The following FTO variants were observed in gnomAD, a reference collection of about 807,000 sequenced individuals.
FTO encodes the protein alpha-ketoglutarate-dependent dioxygenase FTO.
A neutral mutation model predicts 63.9 loss-of-function variants in FTO; 47 were observed. The ratio of observed to expected loss-of-function variants is 0.74; its 90% CI spans 0.58 to 0.94. FTO has a LOEUF of 0.94. FTO is among the 40% of genes least tolerant of loss of function. FTO has a pLI of 0.00. For missense variants in FTO, 562 were observed against 618.1 expected, an observed-to-expected ratio of 0.91 and a Z score of 0.96; for synonymous variants, 207 against 224.4, an observed-to-expected ratio of 0.92 and a Z score of 0.69.
intron 1 of FTO, among the ~76,000 whole-genome samples, chr16:53,742,059 C>CAAAA (rs2076540341): frequency 6.6e-6 from 1 of 152,120 alleles, no homozygotes; most frequent in Admixed American, 6.5e-5. Context: ...GGGTAGGTTA[C>CAAAA]AGACTTTTTG....
Position 53,812,705 on chromosome 16 carries a change from C to T in FTO, c.123+2488C>T, listed in dbSNP as rs117095258. ...ATGATTTGAATTTTGCTTCTACACA[C>T]GTACACACTTCCCCAGGGATTTGGC... On this transcript the variant is annotated intron_variant, in intron 2 of 8. Coordinates refer to ENST00000471389, the MANE Select transcript of FTO (RefSeq NM_001080432.3). Among the ~76,000 whole-genome samples, 1,315 of 152,240 alleles carry T rather than the reference C, an allele frequency of 8.6e-3. 12 individuals carry two copies. Among genetic ancestry groups the T allele is most frequent in the Middle Eastern group, 0.024 (7 of 294 alleles).
chr16:53,987,186 C>T (rs1383048682), intron 8 of FTO, among the ~76,000 whole-genome samples: 2 of 152,138 alleles, frequency 1.3e-5, no homozygotes, highest in Non-Finnish European at 2.9e-5. Context: ...GGTTAGAGTA[C>T]ATCACTTCTA....
At chr16:53,786,236 G>T (rs1241673102) in intron 1 of FTO, among the ~76,000 whole-genome samples, 1 of 152,134 alleles carries the variant, frequency 6.6e-6, no homozygotes, top group African/African-American at 2.4e-5. Flanking sequence ...AAAAGCATTT[G>T]TTGGAATATG....
chr16:54,086,668 T>C (rs1320808496), intron 8 of FTO, among the ~76,000 whole-genome samples: 1 of 152,242 alleles, frequency 6.6e-6, no homozygotes, highest in Non-Finnish European at 1.5e-5. Context: ...TTACCAGCTA[T>C]GGATCTAACC....
At chr16:53,843,409 T>A (rs1365316235) in intron 3 of FTO, among the ~76,000 whole-genome samples, 1 of 152,164 alleles carries the variant, frequency 6.6e-6, no homozygotes, top group Non-Finnish European at 1.5e-5. Context: ...GGTGAAAAAA[T>A]TTCTCTCTTT....
intron 8 of FTO, among the ~76,000 whole-genome samples, chr16:54,014,637 A>C (rs1276887292): frequency 6.6e-6 from 1 of 152,046 alleles, no homozygotes; most frequent in African/African-American, 2.4e-5. Context: ...GCTGCACCAT[A>C]AGGCAAACTG....
intron 1 of FTO, among the ~76,000 whole-genome samples, chr16:53,809,747 G>C (rs1186304900): frequency 2.0e-5 from 3 of 152,064 alleles, no homozygotes; most frequent in Non-Finnish European, 2.9e-5. Context: ...TTTGAGACCA[G>C]CCTGGGCAAC....
chr16:53,897,490 A>G (rs1385371929), intron 7 of FTO, among the ~76,000 whole-genome samples: 2 of 152,202 alleles, frequency 1.3e-5, no homozygotes. Context: ...TTGAGCATAT[A>G]TAGCCCTCTT....
At chr16:53,918,376 AAT>A (rs2081932984) in intron 7 of FTO, among the ~76,000 whole-genome samples, 1 of 152,234 alleles carries the variant, frequency 6.6e-6, no homozygotes, top group Non-Finnish European at 1.5e-5. Flanking sequence ...ACTGTGACAC[AAT>A]GATAAGTATT....
chr16:53,876,841 C>T (rs920046471), intron 5 of FTO, among the ~76,000 whole-genome samples: 3 of 152,126 alleles, frequency 2.0e-5, no homozygotes, highest in South Asian at 2.1e-4. Flanking sequence ...GCAGGAGAAT[C>T]GCTTAAACCT....
chr16:53,723,308 T>G (rs1342762104), intron 1 of FTO, among the ~76,000 whole-genome samples: 1 of 152,228 alleles, frequency 6.6e-6, no homozygotes, highest in Non-Finnish European at 1.5e-5. Flanking sequence ...CCCATTGGAT[T>G]CAAATGATAT....
chr16:54,080,634 C>T (rs2086119091), intron 8 of FTO, among the ~76,000 whole-genome samples: 1 of 152,122 alleles, frequency 6.6e-6, no homozygotes, highest in Admixed American at 6.5e-5. Flanking sequence ...GACCCATCAC[C>T]CAAGAGTCTT....
At chr16:54,094,285 C>T (rs17833492) in intron 8 of FTO, among the ~76,000 whole-genome samples, 65 of 152,234 alleles carry the variant, frequency 4.3e-4, no homozygotes, top group African/African-American at 1.1e-3. Context: ...AAGCCTAAGG[C>T]GGTCTCTTTG....
At chr16:53,724,313 C>CA (rs1372844314) in intron 1 of FTO, among the ~76,000 whole-genome samples, 1 of 152,192 alleles carries the variant, frequency 6.6e-6, no homozygotes, top group Non-Finnish European at 1.5e-5. Context: ...TCCCCAGGGT[C>CA]ACTTAAGGAA....
intron 7 of FTO, among the ~76,000 whole-genome samples, chr16:53,912,852 A>T (rs1464523668): frequency 6.6e-6 from 1 of 152,234 alleles, no homozygotes; most frequent in Non-Finnish European, 1.5e-5. Flanking sequence ...AGTATATATT[A>T]TCCTTACAAG....
chr16:53,776,225 A>C (rs2077455991), intron 1 of FTO, among the ~76,000 whole-genome samples: 1 of 152,186 alleles, frequency 6.6e-6, no homozygotes, highest in Non-Finnish European at 1.5e-5. Flanking sequence ...CTCCATGTCC[A>C]TACCACTGCA....
chr16:53,905,259 C>T (rs1567419779), intron 7 of FTO, among the ~76,000 whole-genome samples: 1 of 152,144 alleles, frequency 6.6e-6, no homozygotes, highest in Non-Finnish European at 1.5e-5. Context: ...AGAGCTTTAG[C>T]TTTCAAGTTA....
intron 1 of FTO, among the ~76,000 whole-genome samples, chr16:53,729,318 G>A (rs369744625): frequency 2.0e-3 from 309 of 151,866 alleles, no homozygotes; most frequent in African/African-American, 7.3e-3. Context: ...CACAAGGTCA[G>A]GAGATGGAGA....
chr16:53,750,407 T>C (rs2076760517), intron 1 of FTO, among the ~76,000 whole-genome samples: 1 of 152,078 alleles, frequency 6.6e-6, no homozygotes, highest in Non-Finnish European at 1.5e-5. Flanking sequence ...CTGGCGAATT[T>C]TTTGTATTTT....
Sources: allele counts gnomAD v4.1 joint callset (sites outside exome capture counted in the v4.1 genomes callset), GRCh38; gene constraint gnomAD v4.1.1; transcripts MANE v1.5; gene names NCBI Gene and HGNC (gene_info 2026-07-23, HGNC 2026-07-21).